Variants in LYPD6 observed in about 807,000 individuals in gnomAD.
LYPD6 encodes LY6/PLAUR domain containing 6, also known as ly6/PLAUR domain-containing protein 6.
LYPD6 carries 15 observed loss-of-function variants against 22.7 expected under a neutral mutation model. The observed-to-expected ratio is 0.66, with a 90% CI of 0.44 to 1.02. The LOEUF is 1.02. LYPD6 is among the 50% of genes least tolerant of loss of function. LYPD6 has a pLI of 0.00. For missense variants in LYPD6, 189 were observed against 208.4 expected (o/e 0.91, Z 0.57); for synonymous variants, 72 against 77.5 (o/e 0.93, Z 0.37).
intron 1 of LYPD6, among the ~76,000 whole-genome samples, chr2:149,353,971 G>A (rs1681405674): frequency 6.6e-6 from 1 of 152,142 alleles, no homozygotes; most frequent in Non-Finnish European, 1.5e-5. Flanking sequence ...TCAGAAAACT[G>A]AGTGTGAATT....
At chr2:149,370,437 A>G (rs1193878811) in intron 1 of LYPD6, 1 of 152,110 alleles carries the variant, frequency 6.6e-6, no homozygotes, top group African/African-American at 2.4e-5. Context: ...TGGAGCCCTC[A>G]TGAGTGGGAT....
chr2:149,379,702 C>G (rs1682017137), intron 1 of LYPD6, among the ~76,000 whole-genome samples: 1 of 152,188 alleles, frequency 6.6e-6, no homozygotes, highest in African/African-American at 2.4e-5. Context: ...AAGGCAAGGA[C>G]TAGACATCTG....
At chr2:149,484,641 T>C in the LYPD6 span, among the ~76,000 whole-genome samples, 1 of 152,212 alleles carries the variant, frequency 6.6e-6, no homozygotes, top group Admixed American at 6.5e-5. Context: ...GTGTTTGGGC[T>C]GTTCTTTGAG....
intron 1 of LYPD6, among the ~76,000 whole-genome samples, chr2:149,383,393 G>A (rs1433712416): frequency 6.6e-6 from 1 of 152,106 alleles, no homozygotes; most frequent in Non-Finnish European, 1.5e-5. Flanking sequence ...GGGGTAGGGT[G>A]ATTGCTTTTG....
intron 1 of LYPD6, among the ~76,000 whole-genome samples, chr2:149,405,649 G>A (rs999235111): frequency 1.3e-5 from 2 of 152,208 alleles, no homozygotes; most frequent in Non-Finnish European, 2.9e-5. Flanking sequence ...TCTTGCTAGT[G>A]GTCTATCAAT....
At chr2:149,368,009 G>A (rs775537410) in intron 1 of LYPD6, 8 of 152,102 alleles carry the variant, frequency 5.3e-5, no homozygotes, top group Non-Finnish European at 7.3e-5. Flanking sequence ...GAAAGACACC[G>A]TCTCTTCCTT....
At chr2:149,467,897 T>A (rs1681236896) in intron 3 of LYPD6, among the ~76,000 whole-genome samples, 2 of 152,066 alleles carry the variant, frequency 1.3e-5, no homozygotes, top group African/African-American at 2.4e-5. Flanking sequence ...TTGGAAGAGA[T>A]CTCAAGCTTT....
At chr2:149,366,775 C>T (rs1050504593) in intron 1 of LYPD6, among the ~76,000 whole-genome samples, 5 of 152,172 alleles carry the variant, frequency 3.3e-5, no homozygotes, top group Admixed American at 1.3e-4. Context: ...AATGCTAACA[C>T]ACATCTAGCA....
chr2:149,402,127 C>G lies in LYPD6; in HGVS notation c.-71-35511C>G, dbSNP rs139420277. Among the ~76,000 whole-genome samples, 749 of 150,196 alleles carry G rather than the reference C, an allele frequency of 5.0e-3. 6 individuals carry two copies. The highest frequency in any genetic ancestry group is 0.017 in the African/African-American group (703 of 40,830). ...CACGTTCTGCACGTGTATCCCAGAA[C>G]TTAAAAAAAAAAAAGAATAATAGTC... On this transcript the variant is annotated intron_variant, in intron 1 of 4. Coordinates refer to ENST00000334166, the MANE Select transcript of LYPD6 (RefSeq NM_194317.5).
chr2:149,362,334 C>T (rs532095669), intron 1 of LYPD6, among the ~76,000 whole-genome samples: 41 of 152,130 alleles, frequency 2.7e-4, no homozygotes, highest in Non-Finnish European at 5.3e-4. Flanking sequence ...TTTTATGTGA[C>T]ATGGGAGCCT....
intron 1 of LYPD6, among the ~76,000 whole-genome samples, chr2:149,376,416 A>G (rs1024182325): frequency 6.6e-6 from 1 of 151,990 alleles, no homozygotes; most frequent in African/African-American, 2.4e-5. Flanking sequence ...TTGCCTTCTT[A>G]ACTCTGCTCA....
At chr2:149,388,592 T>C (rs1249097598) in intron 1 of LYPD6, among the ~76,000 whole-genome samples, 2 of 152,046 alleles carry the variant, frequency 1.3e-5, no homozygotes, top group African/African-American at 4.8e-5. Context: ...TAGTTAATGC[T>C]TGTGGAACTC....
At chr2:149,351,268 C>A (rs1260130852) in intron 1 of LYPD6, among the ~76,000 whole-genome samples, 1 of 151,842 alleles carries the variant, frequency 6.6e-6, no homozygotes, top group Non-Finnish European at 1.5e-5. Context: ...GTGGTGCACA[C>A]CTGCAATCCC....
At chr2:149,388,826 C>T (rs1285308270) in intron 1 of LYPD6, among the ~76,000 whole-genome samples, 3 of 152,158 alleles carry the variant, frequency 2.0e-5, no homozygotes, top group African/African-American at 7.2e-5. Flanking sequence ...TTTTCAATAA[C>T]ATTCAAGTTA....
At chr2:149,406,155 T>C (rs1682700999) in intron 1 of LYPD6, among the ~76,000 whole-genome samples, 1 of 149,642 alleles carries the variant, frequency 6.7e-6, no homozygotes, top group South Asian at 2.1e-4. Context: ...TACTTCCAAG[T>C]ATGTGGTCAA....
chr2:149,385,040 A>G (rs147812854), intron 1 of LYPD6, among the ~76,000 whole-genome samples: 147 of 152,120 alleles, frequency 9.7e-4, no homozygotes, highest in African/African-American at 3.4e-3. Context: ...TCATCTGTTT[A>G]TGGATGTAGA....
At chr2:149,462,667 A>G (rs1681112360) in intron 3 of LYPD6, among the ~76,000 whole-genome samples, 1 of 152,022 alleles carries the variant, frequency 6.6e-6, no homozygotes, top group African/African-American at 2.4e-5. Flanking sequence ...TCAGGATTTA[A>G]TATACAGCTG....
chr2:149,347,719 A>T (rs1214667767), intron 1 of LYPD6, among the ~76,000 whole-genome samples: 1 of 152,176 alleles, frequency 6.6e-6, no homozygotes, highest in Non-Finnish European at 1.5e-5. Flanking sequence ...AGAATTGTTC[A>T]TACTTGAACA....
At chr2:149,350,966 A>G (rs796674607) in intron 1 of LYPD6, among the ~76,000 whole-genome samples, 2 of 152,222 alleles carry the variant, frequency 1.3e-5, no homozygotes, top group African/African-American at 4.8e-5. Flanking sequence ...TGGACGGTAT[A>G]CAGGACTTTT....
Sources: gnomAD v4.1 joint callset for allele counts (sites outside exome capture counted in the v4.1 genomes callset) on GRCh38, gnomAD v4.1.1 for gene constraint, MANE v1.5 for transcripts, NCBI Gene and HGNC (gene_info 2026-07-23, HGNC 2026-07-21) for gene names.